The following DISP1 variants were observed in gnomAD, a reference collection of about 807,000 sequenced individuals.
The protein encoded by DISP1 is dispatched RND transporter family member 1.
In DISP1, 30 loss-of-function variants were observed where a neutral mutation model predicts 37.3. The observed-to-expected ratio is 0.80, with a 90% confidence interval of 0.60 to 1.09. DISP1 has a LOEUF of 1.09. DISP1 is among the 50% of genes least tolerant of loss of function. The pLI is 0.00. For missense variants in DISP1, 1,598 were observed against 1,879.5 expected (o/e 0.85, Z 2.77); for synonymous variants, 634 against 690.2 (o/e 0.92, Z 1.28).
chr1:222,941,900 T>C (rs557585374), intron 2 of DISP1, among the ~76,000 whole-genome samples: 1 of 151,566 alleles, frequency 6.6e-6, no homozygotes, highest in South Asian at 2.1e-4. Context: ...AATAGACTAA[T>C]AGCATTTGAT....
Position 222,938,166 on chromosome 1 carries a change from C to G in DISP1, c.-17-4641C>G, listed in dbSNP as rs542279369. Among the ~76,000 whole-genome samples, 4 of 152,238 alleles carry G rather than the reference C, an allele frequency of 2.6e-5. No individual in the cohort carries two copies. The East Asian group carries it at 7.7e-4, about 29-fold the overall frequency. On this transcript the variant is annotated intron_variant, in intron 2 of 8. Coordinates refer to ENST00000675850, the MANE Select transcript of DISP1 (RefSeq NM_001377229.1). ...GGGATTACAGGCATGAGCCACTGTGCCCAGTCTCAACATAGCTGTCTTTTA... is the reference window on the plus strand; with the variant it reads ...GGGATTACAGGCATGAGCCACTGTGGCCAGTCTCAACATAGCTGTCTTTTA...
intron 1 of DISP1, among the ~76,000 whole-genome samples, chr1:222,921,233 C>T (rs545277224): frequency 6.6e-6 from 1 of 152,118 alleles, no homozygotes; most frequent in Non-Finnish European, 1.5e-5. Flanking sequence ...CACTTGAGCC[C>T]TGGAGGTGGA....
chr1:222,886,871 C>A (rs1670629183), intron 1 of DISP1, among the ~76,000 whole-genome samples: 1 of 152,200 alleles, frequency 6.6e-6, no homozygotes, highest in Non-Finnish European at 1.5e-5. Context: ...TGGAATTAAT[C>A]TAGTTTACCT....
chr1:222,825,338 A>G (rs989810816), intron 1 of DISP1, among the ~76,000 whole-genome samples: 1 of 152,192 alleles, frequency 6.6e-6, no homozygotes, highest in African/African-American at 2.4e-5. Flanking sequence ...TATGTATATG[A>G]AAACATGTTG....
At chr1:222,995,706 T>G (rs1018425145) in intron 8 of DISP1, among the ~76,000 whole-genome samples, 1 of 152,172 alleles carries the variant, frequency 6.6e-6, no homozygotes, top group African/African-American at 2.4e-5. Context: ...GAAACTGCTA[T>G]CTGATGTCAC....
chr1:222,975,647 T>C (rs1677260688), intron 3 of DISP1, among the ~76,000 whole-genome samples: 1 of 152,190 alleles, frequency 6.6e-6, no homozygotes, highest in Admixed American at 6.5e-5. Context: ...CTCTCCCTCC[T>C]TCTGAGAACT....
chr1:222,828,096 G>C (rs1222487986), intron 1 of DISP1, among the ~76,000 whole-genome samples: 1 of 152,160 alleles, frequency 6.6e-6, no homozygotes, highest in South Asian at 2.1e-4. Context: ...TAAAAAGTTT[G>C]TATTATTATT....
chr1:222,907,495 T>C (rs1671965867), intron 1 of DISP1, among the ~76,000 whole-genome samples: 1 of 152,140 alleles, frequency 6.6e-6, no homozygotes, highest in Non-Finnish European at 1.5e-5. Flanking sequence ...CAGCAACCTG[T>C]GTTTTAGTGG....
At chr1:222,989,950 G>A (rs1026791616) in intron 4 of DISP1, among the ~76,000 whole-genome samples, 3 of 151,952 alleles carry the variant, frequency 2.0e-5, no homozygotes, top group Non-Finnish European at 2.9e-5. Context: ...CTACAGGCGT[G>A]TGCCACCATG....
chr1:223,001,681 G>A (rs1232860231), intron 8 of DISP1, among the ~76,000 whole-genome samples: 1 of 152,192 alleles, frequency 6.6e-6, no homozygotes, highest in Non-Finnish European at 1.5e-5. Flanking sequence ...CATAGATGGG[G>A]CATTCTACGT....
At chr1:222,865,187 T>C (rs1669115798) in intron 1 of DISP1, among the ~76,000 whole-genome samples, 1 of 152,148 alleles carries the variant, frequency 6.6e-6, no homozygotes, top group Non-Finnish European at 1.5e-5. Flanking sequence ...TTGCTTTTTC[T>C]AGTTACCTAA....
intron 3 of DISP1, among the ~76,000 whole-genome samples, chr1:222,960,620 C>G (rs887198895): frequency 2.0e-5 from 3 of 151,592 alleles, no homozygotes; most frequent in African/African-American, 7.3e-5. Flanking sequence ...TGACTAAGAT[C>G]AGAGCAGAAT....
At chr1:222,834,340 A>G (rs925489222) in intron 1 of DISP1, among the ~76,000 whole-genome samples, 2 of 152,228 alleles carry the variant, frequency 1.3e-5, no homozygotes, top group African/African-American at 4.8e-5. Flanking sequence ...GGGTGGTTAC[A>G]GTGGGATTCT....
At chr1:222,951,640 T>C (rs1384571819) in intron 3 of DISP1, among the ~76,000 whole-genome samples, 1 of 152,236 alleles carries the variant, frequency 6.6e-6, no homozygotes, top group Non-Finnish European at 1.5e-5. Flanking sequence ...AATGCTTCTC[T>C]AAGATGTTGC....
intron 8 of DISP1, among the ~76,000 whole-genome samples, chr1:223,002,017 T>G (rs1356888801): frequency 6.6e-6 from 1 of 152,242 alleles, no homozygotes; most frequent in African/African-American, 2.4e-5. Context: ...TACATAAGCT[T>G]CACAACCTGT....
At chr1:222,839,161 C>T (rs1184639643) in intron 1 of DISP1, among the ~76,000 whole-genome samples, 4 of 152,088 alleles carry the variant, frequency 2.6e-5, no homozygotes, top group Non-Finnish European at 5.9e-5. Context: ...GGAACTGGGC[C>T]GCACAGCAGA....
intron 1 of DISP1, chr1:222,837,099 G>C (rs1667249267): frequency 7.5e-6 from 3 of 398,412 alleles, no homozygotes; most frequent in Non-Finnish European, 1.3e-5. Flanking sequence ...CAGTAAGTTT[G>C]GGCCGTTGGG....
intron 1 of DISP1, chr1:222,831,125 G>T (rs1036475436): frequency 2.0e-5 from 3 of 152,142 alleles, no homozygotes; most frequent in African/African-American, 7.2e-5. Flanking sequence ...TGGATTAATT[G>T]TACAGAACCA....
chr1:222,845,316 A>C (rs74145583), intron 1 of DISP1, among the ~76,000 whole-genome samples: 2,770 of 152,312 alleles, frequency 0.018, 86 homozygotes, highest in African/African-American at 0.06. Flanking sequence ...CTAAAGTGAA[A>C]AAAAGAAGTG....
Sources: gnomAD v4.1 joint callset for allele counts (sites outside exome capture counted in the v4.1 genomes callset) on GRCh38, gnomAD v4.1.1 for gene constraint, MANE v1.5 for transcripts, NCBI Gene and HGNC (gene_info 2026-07-23, HGNC 2026-07-21) for gene names.